Variants in SEM1 observed in about 807,000 individuals in gnomAD.
SEM1 encodes the protein 26S proteasome complex subunit SEM1.
SEM1 carries 3 observed loss-of-function variants against 12.7 expected under a neutral mutation model. The ratio of observed to expected loss-of-function variants is 0.24; its 90% CI spans 0.11 to 0.61. SEM1 has a LOEUF of 0.61. Among genes scored for constraint, SEM1 ranks in the 20% least tolerant of loss-of-function variants. SEM1 has a pLI of 0.88. For synonymous variants in SEM1, 30 were observed against 27.8 expected, an observed-to-expected ratio of 1.08 and a Z score of -0.25; for missense variants, 59 against 81.3, an observed-to-expected ratio of 0.73 and a Z score of 1.06.
intron 2 of SEM1, among the ~76,000 whole-genome samples, chr7:96,681,960 G>C (rs951231386): frequency 6.6e-6 from 1 of 152,062 alleles, no homozygotes; most frequent in Admixed American, 6.6e-5. Flanking sequence ...CATTGAATCT[G>C]TAAATTACTT....
downstream of SEM1, among the ~76,000 whole-genome samples, chr7:96,671,498 C>T (rs1789316039): frequency 6.6e-6 from 1 of 151,920 alleles, no homozygotes; most frequent in Non-Finnish European, 1.5e-5. Flanking sequence ...GAAAAACCCA[C>T]AAAAGAAACT....
At chr7:96,569,049 T>C (rs2115966376) in intron 2 of SEM1, among the ~76,000 whole-genome samples, 1 of 152,050 alleles carries the variant, frequency 6.6e-6, no homozygotes, top group East Asian at 1.9e-4. Context: ...AATCCAGTAT[T>C]AGCTGTCTAT....
At chr7:96,701,743 C>T (rs2115982979) in intron 1 of SEM1, among the ~76,000 whole-genome samples, 1 of 151,984 alleles carries the variant, frequency 6.6e-6, no homozygotes, top group South Asian at 2.1e-4. Flanking sequence ...TTTTATTTTT[C>T]ATTCATGAGG....
intron 2 of SEM1, among the ~76,000 whole-genome samples, chr7:96,544,367 G>T (rs1207032234): frequency 6.6e-6 from 1 of 151,868 alleles, no homozygotes; most frequent in Non-Finnish European, 1.5e-5. Flanking sequence ...TATCTACCCT[G>T]CTTTTTTAAA....
At chr7:96,702,876 T>C (rs542898891) in intron 1 of SEM1, among the ~76,000 whole-genome samples, 3 of 152,100 alleles carry the variant, frequency 2.0e-5, no homozygotes, top group South Asian at 2.1e-4. Context: ...CATGAGGAAA[T>C]AGGCACAGGT....
At chr7:96,550,871 A>AAATT (rs1463523836) in intron 2 of SEM1, among the ~76,000 whole-genome samples, 2 of 152,176 alleles carry the variant, frequency 1.3e-5, no homozygotes, top group Non-Finnish European at 2.9e-5. Flanking sequence ...GGATGCAGGA[A>AAATT]AATTAGGATA....
chr7:96,507,089 A>G (rs1803777630), intron 2 of SEM1, among the ~76,000 whole-genome samples: 1 of 152,202 alleles, frequency 6.6e-6, no homozygotes, highest in African/African-American at 2.4e-5. Context: ...CAACAGAAAA[A>G]GTATGAAAGC....
At chr7:96,678,532 A>G (rs191249397) in intron 2 of SEM1, among the ~76,000 whole-genome samples, 5 of 152,308 alleles carry the variant, frequency 3.3e-5, no homozygotes, top group African/African-American at 9.6e-5. Context: ...AAAGAAAGGC[A>G]GCAGAATCAA....
intron 2 of SEM1, among the ~76,000 whole-genome samples, chr7:96,617,144 G>T (rs1584808247): frequency 6.6e-6 from 1 of 152,050 alleles, no homozygotes; most frequent in Non-Finnish European, 1.5e-5. Flanking sequence ...GGACAGTAAG[G>T]TATTTTAATG....
intron 2 of SEM1, among the ~76,000 whole-genome samples, chr7:96,539,782 T>C (rs1344789187): frequency 3.3e-5 from 5 of 151,720 alleles, no homozygotes; most frequent in African/African-American, 1.2e-4. Flanking sequence ...GCTCAATAAA[T>C]ACTTGTTGAA....
chr7:96,680,002 C>A (rs1462468557), intron 2 of SEM1, among the ~76,000 whole-genome samples: 1 of 152,112 alleles, frequency 6.6e-6, no homozygotes, highest in Non-Finnish European at 1.5e-5. Flanking sequence ...GTAGCCAGAG[C>A]CTACTCTGCC....
chr7:96,535,705 G>T (rs1356110410), intron 2 of SEM1, among the ~76,000 whole-genome samples: 1 of 151,832 alleles, frequency 6.6e-6, no homozygotes, highest in Admixed American at 6.6e-5. Context: ...GTGATAACAT[G>T]TGGTATTCGG....
chr7:96,630,503 G>C (rs1036045264), intron 2 of SEM1, among the ~76,000 whole-genome samples: 1 of 152,154 alleles, frequency 6.6e-6, no homozygotes, highest in Non-Finnish European at 1.5e-5. Context: ...AATGCTGCCT[G>C]GTTTGGGACT....
chr7:96,575,931 A>G (rs1293176576), intron 2 of SEM1, among the ~76,000 whole-genome samples: 2 of 152,216 alleles, frequency 1.3e-5, no homozygotes, highest in Non-Finnish European at 2.9e-5. Context: ...AAGACGACAC[A>G]TGTACATCTA....
intron 2 of SEM1, among the ~76,000 whole-genome samples, chr7:96,681,535 T>TTAA (rs951316339): frequency 3.9e-5 from 6 of 152,154 alleles, no homozygotes; most frequent in African/African-American, 1.4e-4. Context: ...GTTTAAGTCT[T>TTAA]TAATCCATCT....
exon 4 of SEM1, chr7:96,483,926 C>T (rs957180886): frequency 2.0e-6 from 3 of 1,536,436 alleles, no homozygotes; most frequent in African/African-American, 2.7e-5. Context: ...CAGGCAAGAA[C>T]AATCTTCACA....
At chr7:96,599,283 A>T (rs1367086874) in intron 2 of SEM1, among the ~76,000 whole-genome samples, 1 of 152,106 alleles carries the variant, frequency 6.6e-6, no homozygotes, top group Non-Finnish European at 1.5e-5. Context: ...CTACAAAGGT[A>T]TTGGTGACTG....
intron 2 of SEM1, among the ~76,000 whole-genome samples, chr7:96,610,008 G>A (rs10226188): frequency 0.038 from 5,837 of 152,176 alleles, 358 homozygotes; most frequent in African/African-American, 0.13. Flanking sequence ...GGCTGGACCA[G>A]TTAAAGAGCT....
chr7:96,707,684 C>T (rs1790511774), intron 1 of SEM1, among the ~76,000 whole-genome samples: 1 of 152,082 alleles, frequency 6.6e-6, no homozygotes, highest in Non-Finnish European at 1.5e-5. Context: ...TAACTACTGA[C>T]ACTTTGAAAA....
Sources: allele counts gnomAD v4.1 joint callset (sites outside exome capture counted in the v4.1 genomes callset), GRCh38; gene constraint gnomAD v4.1.1; transcripts MANE v1.5; gene names NCBI Gene and HGNC (gene_info 2026-07-23, HGNC 2026-07-21).